PLCE1: variants seen among roughly 807,000 people sequenced by gnomAD.
PLCE1 encodes phospholipase C epsilon 1.
A neutral mutation model predicts 242.8 loss-of-function variants in PLCE1; 119 were observed. The observed-to-expected ratio is 0.49, with a 90% CI of 0.42 to 0.57. The LOEUF is 0.57. Ranked by LOEUF, PLCE1 falls within the 20% of genes least tolerant of loss-of-function variation. The pLI, the probability that PLCE1 is intolerant of heterozygous loss-of-function variation, is 0.00. For missense variants in PLCE1, 2,441 were observed against 2,788.8 expected, an observed-to-expected ratio of 0.88 and a Z score of 2.81; for synonymous variants, 945 against 1,017.4, an observed-to-expected ratio of 0.93 and a Z score of 1.35.
At chr10:94,068,018 AG>A (rs2135061788) in intron 2 of PLCE1, among the ~76,000 whole-genome samples, 1 of 152,290 alleles carries the variant, frequency 6.6e-6, no homozygotes, top group East Asian at 1.9e-4. Context: ...CTCTTCCAGC[AG>A]GCTTTGTCCT....
rs775939596 is a variant in PLCE1, at chr10:94,031,563, A to G, written c.517A>G (p.Ile173Val). ...TCCTTTAGGAAATCAGTCAGTGATC[A>G]TAGAGACAGGCAGAGCACACCCTGA... Reference protein sequence around the residue: ...ISPLGNQSVIIETGRAHPDSR... With the variant: ...ISPLGNQSVIVETGRAHPDSR... The change falls in exon 2 of 33, where the codon ATA becomes GTA. Residue 173 changes from isoleucine to valine, a missense_variant. Physicochemically the swap from Ile to Val is conservative, Grantham distance 29. This residue lies in a region of PLCE1 where 393 missense variants were observed against 378.5 expected (regional missense o/e 1.04). Transcript: ENST00000371380. 2 of 1,612,362 alleles carry G rather than the reference A, an allele frequency of 1.2e-6. No homozygotes were observed. Among genetic ancestry groups the G allele is most frequent in the East Asian group, 2.2e-5 (1 of 44,870 alleles).
intron 19 of PLCE1, 182 bp from the exon 20 acceptor site, chr10:94,279,600 C>G: frequency 1.5e-6 from 1 of 649,888 alleles, no homozygotes; most frequent in Non-Finnish European, 2.7e-6. Context: ...GGAATGCTAA[C>G]GTTCACCCAA....
intron 22 of PLCE1, chr10:94,286,707 A>C (rs1374698364): frequency 6.6e-6 from 1 of 152,216 alleles, no homozygotes; most frequent in Non-Finnish European, 1.5e-5. Context: ...TAGCCAGCAA[A>C]GATTTCAGAG....
chr10:94,315,769 CAA>C (rs10572287), intron 28 of PLCE1, among the ~76,000 whole-genome samples: 34,727 of 121,558 alleles, frequency 0.29, 4,002 homozygotes, highest in Admixed American at 0.39. Flanking sequence ...GACTCTGTCT[CAA>C]AAAAAAAAAA....
rs748470389 is a variant in PLCE1, at chr10:94,030,674, T to A, written c.-364-9T>A. 3 of 244,782 alleles carry A rather than the reference T, an allele frequency of 1.2e-5. No individual in the cohort carries two copies. Among genetic ancestry groups the A allele is most frequent in the Non-Finnish European group, 2.4e-5 (3 of 126,256 alleles). 15.2% of individuals were successfully genotyped at this position (244,782 alleles called of 1,614,324 possible). ...GCCACAGTGTTTGACATTATCTCTT[T>A]TCTTACAGGAAACAGGAATCATTCA... On this transcript the variant is annotated splice_polypyrimidine_tract_variant and intron_variant, in intron 1 of 32. Coordinates refer to ENST00000371380, the MANE Select transcript of PLCE1 (RefSeq NM_016341.4).
chr10:94,110,058 CTTTTTT>C (rs33974566), intron 2 of PLCE1, among the ~76,000 whole-genome samples: 3 of 75,890 alleles, frequency 4.0e-5, no homozygotes, highest in South Asian at 6.2e-4. Flanking sequence ...TTTCTTTTTT[CTTTTTT>C]TTTTTTTTTT....
rs569797694 is a variant in PLCE1, at chr10:94,157,955, G to T, written c.1493-13225G>T. Among the ~76,000 whole-genome samples, 3 of 152,170 alleles carry T rather than the reference G, an allele frequency of 2.0e-5. No homozygotes were observed. In the South Asian group the frequency reaches 6.2e-4, roughly 31 times the overall value. ...ATCTGCTAATGGGAATAATAACAGC[G>T]TGGGGTGCTGTGCTGTCTACATAGA... On this transcript the variant is annotated intron_variant, in intron 3 of 32. Transcript: ENST00000371380.
At chr10:94,082,604 G>A (rs2135253239) in intron 2 of PLCE1, among the ~76,000 whole-genome samples, 1 of 152,226 alleles carries the variant, frequency 6.6e-6, no homozygotes, top group East Asian at 1.9e-4. Flanking sequence ...ATATATCAGA[G>A]CCCAGCACAG....
intron 4 of PLCE1, among the ~76,000 whole-genome samples, chr10:94,220,213 C>A (rs2049677933): frequency 6.6e-6 from 1 of 150,850 alleles, no homozygotes; most frequent in South Asian, 2.1e-4. Context: ...CATACACACA[C>A]ACACACATAC....
intron 2 of PLCE1, among the ~76,000 whole-genome samples, chr10:94,059,346 G>A (rs1187917532): frequency 6.6e-6 from 1 of 152,198 alleles, no homozygotes; most frequent in African/African-American, 2.4e-5. Context: ...GATGGACAGT[G>A]CCAGGTTGAT....
intron 2 of PLCE1, among the ~76,000 whole-genome samples, chr10:94,115,663 GC>G (rs375069927): frequency 5.6e-4 from 86 of 152,216 alleles, no homozygotes; most frequent in African/African-American, 1.9e-3. Context: ...CTGGATATTA[GC>G]CCTTTGTCAG....
intron 22 of PLCE1, among the ~76,000 whole-genome samples, chr10:94,287,648 T>C (rs1013204172): frequency 6.6e-6 from 1 of 151,946 alleles, no homozygotes; most frequent in Non-Finnish European, 1.5e-5. Flanking sequence ...GTAGTTGAAT[T>C]TTTTCGACCT....
At chr10:94,114,649 C>T (rs56360104) in intron 2 of PLCE1, among the ~76,000 whole-genome samples, 1,534 of 152,246 alleles carry the variant, frequency 0.01, 9 homozygotes, top group Non-Finnish European at 0.017. Context: ...CCCAAATAAT[C>T]GAGAGTTCAC....
At chr10:94,251,015 C>A (rs1188713955) in intron 8 of PLCE1, among the ~76,000 whole-genome samples, 1 of 152,152 alleles carries the variant, frequency 6.6e-6, no homozygotes, top group Non-Finnish European at 1.5e-5. Context: ...ATTCAAGAAC[C>A]CTGCTCCAGG....
chr10:94,325,503 G>A (rs1329933607), intron 32 of PLCE1: 2 of 192,476 alleles, frequency 1.0e-5, no homozygotes, highest in Non-Finnish European at 1.1e-5. Context: ...GCTGAGGCAG[G>A]AGAATCACTT....
At chr10:94,216,990 A>C (rs540385687) in intron 4 of PLCE1, among the ~76,000 whole-genome samples, 2 of 149,856 alleles carry the variant, frequency 1.3e-5, no homozygotes, top group South Asian at 4.3e-4. Context: ...CTCTTTTATG[A>C]AGATTAGACT....
At position 94,255,947 on chromosome 10, in the gene PLCE1, CT is replaced by C. The variant is rs1564834525; in HGVS notation, c.3554+899del. Among the ~76,000 whole-genome samples, 451 of 144,318 alleles carry C rather than the reference CT, an allele frequency of 3.1e-3. 1 individual carries two copies. Among genetic ancestry groups the C allele is most frequent in the Non-Finnish European group, 4.8e-3 (308 of 64,830 alleles). The allele number at this position is 144,318 out of a possible 152,430, so 94.7% of individuals were successfully genotyped here. A position where few individuals can be genotyped will look rare whatever the true frequency, so the allele number is the denominator to read the frequency against. The stretch of plus-strand genomic sequence containing the variant: ...TCTCTCTCTCTCTCTCTCTCTCTCT[CT>C]CTCTCTCTCCCCACCCCTCCCTCTC... On this transcript the variant is annotated intron_variant, in intron 11 of 32. Coordinates refer to ENST00000371380, the MANE Select transcript of PLCE1 (RefSeq NM_016341.4).
chr10:94,073,023 T>G (rs2044403955), intron 2 of PLCE1, among the ~76,000 whole-genome samples: 1 of 152,054 alleles, frequency 6.6e-6, no homozygotes, highest in Non-Finnish European at 1.5e-5. Flanking sequence ...ACAGGGTGTT[T>G]TCTTTCCCTC....
intron 10 of PLCE1, 120 bp from the exon 11 acceptor site, chr10:94,254,773 T>TAACA (rs1052555957): frequency 9.0e-7 from 1 of 1,115,850 alleles, no homozygotes; most frequent in Non-Finnish European, 1.4e-6. Context: ...GCTGCTTGTA[T>TAACA]AGAAACCAGC....
Sources: allele counts gnomAD v4.1 joint callset (sites outside exome capture counted in the v4.1 genomes callset), GRCh38; gene constraint gnomAD v4.1.1; regional missense constraint gnomAD v4.1.1; transcripts MANE v1.5; gene names NCBI Gene and HGNC (gene_info 2026-07-23, HGNC 2026-07-21).